Variants in WTIP observed in about 807,000 individuals in gnomAD.
WTIP encodes the protein Wilms tumor protein 1-interacting protein.
A neutral mutation model predicts 41.7 loss-of-function variants in WTIP; 23 were observed. That is an observed-to-expected ratio of 0.55 (90% CI 0.40 to 0.78). The LOEUF is 0.78. Ranked by LOEUF, WTIP falls within the 30% of genes least tolerant of loss-of-function variation. The probability of loss-of-function intolerance (pLI) is 0.00; values close to 1 mark genes in which losing one functional copy is unlikely to be tolerated. For synonymous variants in WTIP, 314 were observed against 269.9 expected (o/e 1.16, Z -1.60); for missense variants, 619 against 610.5 (o/e 1.01, Z -0.15).
chr19:34,494,891 T>C (rs1368450178), intron 6 of WTIP, among the ~76,000 whole-genome samples: 1 of 152,194 alleles, frequency 6.6e-6, no homozygotes, highest in Non-Finnish European at 1.5e-5. Flanking sequence ...CCATTCTCCA[T>C]TGATGGAAGG....
In WTIP at chr19:34,505,421, C is replaced by T. The variant is rs1488002593; in HGVS notation, c.*5152C>T. 1 of 152,226 alleles carries T rather than the reference C, an allele frequency of 6.6e-6. No homozygotes were observed. The highest frequency in any genetic ancestry group is 1.5e-5 in the Non-Finnish European group (1 of 68,066). 9.4% of individuals were successfully genotyped at this position (152,226 alleles called of 1,614,324 possible). A position where few individuals can be genotyped will look rare whatever the true frequency, so the allele number is the denominator to read the frequency against. ...AGGGCTGCCAGGAGGGCATAGGGCC[C>T]AAGGATTCCCCAGGGATGCCAGCCC... On this transcript the variant is annotated 3_prime_UTR_variant, in exon 8 of 8. Coordinates refer to ENST00000590071, the MANE Select transcript of WTIP (RefSeq NM_001080436.2).
At position 34,482,000 on chromosome 19, in the gene WTIP, A is replaced by T. The variant is rs1324484805; in HGVS notation, c.26A>T (p.Asp9Val). MQRSRAGADEAALLLAGLA... is the reference protein window; with the variant it reads MQRSRAGAVEAALLLAGLA... ...ATGCAGCGCTCCAGGGCGGGCGCGG[A>T]CGAGGCGGCCCTACTCCTGGCCGGG... is the stretch of plus-strand genomic sequence containing the variant. Residue 9 changes from aspartate (D) to valine (V), a missense_variant, in exon 1 of 8, where the codon GAC (aspartate) becomes GTC (valine). Physicochemically the swap from Asp to Val is radical, Grantham distance 152 (BLOSUM62 -3). Transcript: ENST00000590071. 9.8e-7 allele frequency: 1 copy of T among 1,016,080 alleles called. No individual in the cohort carries two copies. The highest frequency in any genetic ancestry group is 1.7e-5 in the African/African-American group (1 of 57,384). 62.9% of individuals were successfully genotyped at this position (1,016,080 alleles called of 1,614,324 possible). A position where few individuals can be genotyped will look rare whatever the true frequency, so the allele number is the denominator to read the frequency against.
intron 7 of WTIP, among the ~76,000 whole-genome samples, chr19:34,499,333 C>T (rs2075872001): frequency 6.6e-6 from 1 of 151,756 alleles, no homozygotes; most frequent in Non-Finnish European, 1.5e-5. Context: ...AACATGAAAC[C>T]CCATCACTAC....
At chr19:34,492,647 C>T (rs936313922) in intron 2 of WTIP, among the ~76,000 whole-genome samples, 1 of 149,458 alleles carries the variant, frequency 6.7e-6, no homozygotes, top group Non-Finnish European at 1.5e-5. Flanking sequence ...CAAGATCACG[C>T]CACTGCACTC....
In WTIP at chr19:34,508,200, A is replaced by T. The variant is rs1246573117; in HGVS notation, c.*7931A>T. On this transcript the variant is annotated 3_prime_UTR_variant, in exon 8 of 8. Transcript: ENST00000590071. ...GTGACTCTCCGGCCTCAGCCTCCCA[A>T]GTAGCTGGGATTACAGGCACCTGCC... The T allele has an allele frequency of 6.6e-6, 1 of 152,030 alleles. No homozygotes were observed. Among genetic ancestry groups the T allele is most frequent in the African/African-American group, 2.4e-5 (1 of 41,346 alleles). 9.4% of individuals were successfully genotyped at this position (152,030 alleles called of 1,614,324 possible). A position where few individuals can be genotyped will look rare whatever the true frequency, so the allele number is the denominator to read the frequency against.
chr19:34,488,965 A>G (rs1339583647), intron 1 of WTIP, among the ~76,000 whole-genome samples: 1 of 151,418 alleles, frequency 6.6e-6, no homozygotes, highest in Non-Finnish European at 1.5e-5. Flanking sequence ...TGGGAGGCCA[A>G]AGTGGGTGAA....
In WTIP at chr19:34,500,422, A is replaced by G. The variant is rs1568403427; in HGVS notation, c.*153A>G. On this transcript the variant is annotated 3_prime_UTR_variant, in exon 8 of 8. Coordinates refer to ENST00000590071, the MANE Select transcript of WTIP (RefSeq NM_001080436.2). Reference sequence around the variant, plus strand: ...GCCGGACCCCCGCGTGGAAGCTTCTATTTATTCACCGTCTGTGCCTGCTCA... The same window carrying G: ...GCCGGACCCCCGCGTGGAAGCTTCTGTTTATTCACCGTCTGTGCCTGCTCA... The G allele has an allele frequency of 5.4e-6, 6 of 1,102,358 alleles. No individual in the cohort carries two copies. Among genetic ancestry groups the G allele is most frequent in the East Asian group, 2.7e-5 (1 of 37,320 alleles). The allele number at this position is 1,102,358 out of a possible 1,614,324, so 68.3% of individuals were successfully genotyped here.
chr19:34,496,122 A>G (rs961746667), intron 7 of WTIP, among the ~76,000 whole-genome samples: 4 of 152,014 alleles, frequency 2.6e-5, no homozygotes, highest in African/African-American at 4.8e-5. Context: ...GTGCCATTGC[A>G]CTCCAGCCTG....
rs2075771232 is a variant in WTIP at position 34,482,261 on chromosome 19, CCGA to C, written c.290_292del (p.Asp97del). 3.1e-6 allele frequency: 4 copies of C among 1,288,198 alleles called. No homozygotes were observed. Among genetic ancestry groups the C allele is most frequent in the Non-Finnish European group, 4.0e-6 (4 of 1,010,834 alleles). The allele number at this position is 1,288,198 out of a possible 1,614,324, so 79.8% of individuals were successfully genotyped here. A position where few individuals can be genotyped will look rare whatever the true frequency, so the allele number is the denominator to read the frequency against. ...AGCCCACGGGCCAGCCTGGCGGGGT[CCGA>C]CGGCGGCGGCGGTGGCGGCAGCGCC... On this transcript the variant is annotated inframe_deletion, in exon 1 of 8. Transcript: ENST00000590071.
At chr19:34,496,025 C>A (rs13353264) in intron 7 of WTIP, among the ~76,000 whole-genome samples, 52,331 of 151,722 alleles carry the variant, frequency 0.34, 10,245 homozygotes, top group African/African-American at 0.53. Flanking sequence ...GGCGTGGTGG[C>A]GGGCACCTGT....
In WTIP at chr19:34,508,838, C is replaced by T. The variant is rs1409391195; in HGVS notation, c.*8569C>T. ...GCCTGTAGTAAAATCCGCTCTGTGA[C>T]GGTGGTGTATAAACATTTTCTGTGC... is the stretch of plus-strand genomic sequence containing the variant. On this transcript the variant is annotated 3_prime_UTR_variant, in exon 8 of 8. Transcript: ENST00000590071. The T allele has an allele frequency of 2.6e-5, 4 of 152,194 alleles. No homozygotes were observed. The highest frequency in any genetic ancestry group is 2.0e-4 in the Admixed American group (3 of 15,270). The allele number at this position is 152,194 out of a possible 1,614,324, so 9.4% of individuals were successfully genotyped here.
At chr19:34,484,427 C>T (rs1031137641) in intron 1 of WTIP, among the ~76,000 whole-genome samples, 4 of 151,982 alleles carry the variant, frequency 2.6e-5, no homozygotes, top group African/African-American at 9.7e-5. Flanking sequence ...GGATGGAGAG[C>T]GCCTCCCATC....
Position 34,511,114 on chromosome 19 carries a change from ATTAG to A in WTIP, c.*10848_*10851del, listed in dbSNP as rs1451893273. On this transcript the variant is annotated 3_prime_UTR_variant, in exon 8 of 8. Coordinates refer to ENST00000590071, the MANE Select transcript of WTIP (RefSeq NM_001080436.2). ...CCCACTCCCAGTACCAATTTACTGT[ATTAG>A]TTTGTTTTCATGCTGCTGATAAAGA... is the stretch of plus-strand genomic sequence containing the variant. 6.6e-6 allele frequency: 1 copy of A among 152,390 alleles called. No individual in the cohort carries two copies. Among genetic ancestry groups the A allele is most frequent in the African/African-American group, 2.4e-5 (1 of 41,392 alleles). 9.4% of individuals were successfully genotyped at this position (152,390 alleles called of 1,614,324 possible).
intron 6 of WTIP, 33 bp from the exon 7 acceptor site, chr19:34,495,670 C>A: frequency 6.2e-7 from 1 of 1,612,034 alleles, no homozygotes. Context: ...TCCCCACATG[C>A]TCATCGTGTG....
chr19:34,497,536 T>C (rs553929986), intron 7 of WTIP, among the ~76,000 whole-genome samples: 1 of 151,726 alleles, frequency 6.6e-6, no homozygotes, highest in South Asian at 2.1e-4. Context: ...GGAGTGGGGG[T>C]CAGGATAGCT....
intron 6 of WTIP, 85 bp from the exon 7 acceptor site, chr19:34,495,618 G>A (rs1461146969): frequency 2.0e-6 from 3 of 1,498,012 alleles, no homozygotes; most frequent in Admixed American, 3.5e-5. Context: ...CGGGACAGGA[G>A]CGTGGTGTGT....
Position 34,493,489 on chromosome 19 carries a change from C to T in WTIP, c.901-3C>T, listed in dbSNP as rs2075836689. The T allele has an allele frequency of 6.2e-7, 1 of 1,613,346 alleles. No homozygotes were observed. On this transcript the variant is annotated splice_region_variant and splice_polypyrimidine_tract_variant and intron_variant, in intron 4 of 7. Transcript: ENST00000590071. The surrounding 1 kb of genome is among the most constrained non-coding windows in gnomAD (Gnocchi z 4.1). The stretch of plus-strand genomic sequence containing the variant: ...CTGACCCCTCAGTGTGCCCCGCCCA[C>T]AGATCCTGCAGGCCCTGGGCAAGTC...
rs142725390 is a variant in WTIP at position 34,491,617 on chromosome 19, C to T, written c.769+1140C>T. Among the ~76,000 whole-genome samples, 6 of 148,490 alleles carry T rather than the reference C, an allele frequency of 4.0e-5. No individual in the cohort carries two copies. The East Asian group carries it at 6.2e-4, about 15-fold the overall frequency. On this transcript the variant is annotated intron_variant, in intron 2 of 7. Coordinates refer to ENST00000590071, the MANE Select transcript of WTIP (RefSeq NM_001080436.2). ...GATTATAGGTGTGAGTCACCTTGCC[C>T]GGTAAAATACCCTAGAAACTTCTAT...
chr19:34,511,853 T>A lies in WTIP; in HGVS notation c.*11584T>A, dbSNP rs1344371279. The A allele has an allele frequency of 3.3e-5, 5 of 152,236 alleles. No homozygotes were observed. The highest frequency in any genetic ancestry group is 5.9e-5 in the Non-Finnish European group (4 of 68,038). 9.4% of individuals were successfully genotyped at this position (152,236 alleles called of 1,614,324 possible). On this transcript the variant is annotated 3_prime_UTR_variant, in exon 8 of 8. Coordinates refer to ENST00000590071, the MANE Select transcript of WTIP (RefSeq NM_001080436.2). ...AGTTTACTAGTTTGGGATTGAATAT[T>A]CTTACACATTTATTTGGTGAAGAAC... is the stretch of plus-strand genomic sequence containing the variant.
Sources: allele counts gnomAD v4.1 joint callset (sites outside exome capture counted in the v4.1 genomes callset), GRCh38; gene constraint gnomAD v4.1.1; non-coding constraint Gnocchi (gnomAD v3.1); transcripts MANE v1.5; gene names NCBI Gene and HGNC (gene_info 2026-07-23, HGNC 2026-07-21).